DOCK2: variants seen among roughly 807,000 people sequenced by gnomAD.
DOCK2 encodes the protein dedicator of cytokinesis protein 2.
A neutral mutation model predicts 248.9 loss-of-function variants in DOCK2; 87 were observed. The observed-to-expected ratio is 0.35, with a 90% CI of 0.29 to 0.42. The LOEUF is 0.42. Among genes scored for constraint, DOCK2 ranks in the 10% least tolerant of loss-of-function variants. The pLI, the probability that DOCK2 is intolerant of heterozygous loss-of-function variation, is 1.00. For missense variants in DOCK2, 1,747 were observed against 2,300.2 expected (o/e 0.76, Z 4.92); for synonymous variants, 805 against 821.6 (o/e 0.98, Z 0.35).
At chr5:169,840,455 G>C (rs1046110551) in intron 26 of DOCK2, among the ~76,000 whole-genome samples, 1 of 152,120 alleles carries the variant, frequency 6.6e-6, no homozygotes, top group Non-Finnish European at 1.5e-5. Context: ...ACTAATTATT[G>C]TCAGAGCTAG....
At chr5:169,777,664 G>C (rs1765461040) in intron 25 of DOCK2, among the ~76,000 whole-genome samples, 1 of 152,184 alleles carries the variant, frequency 6.6e-6, no homozygotes, top group Admixed American at 6.5e-5. Flanking sequence ...ACCTCTGTAA[G>C]CATCTGATTC....
chr5:169,981,323 T>C (rs1373895380), intron 27 of DOCK2, among the ~76,000 whole-genome samples: 3 of 152,234 alleles, frequency 2.0e-5, no homozygotes, highest in Non-Finnish European at 4.4e-5. Context: ...GGAGGAAATA[T>C]ATACACGTGT....
intron 23 of DOCK2, among the ~76,000 whole-genome samples, chr5:169,753,055 C>T (rs1156678739): frequency 1.5e-5 from 2 of 137,440 alleles, no homozygotes; most frequent in East Asian, 4.1e-4. Context: ...CAGAGCAAGA[C>T]TCTATCTAAA....
chr5:169,827,585 C>T (rs1470204061), intron 26 of DOCK2, among the ~76,000 whole-genome samples: 1 of 152,142 alleles, frequency 6.6e-6, no homozygotes, highest in African/African-American at 2.4e-5. Context: ...GGTGGGGGCA[C>T]TGAGTGTGTT....
intron 30 of DOCK2, among the ~76,000 whole-genome samples, chr5:170,004,031 T>G (rs1754931378): frequency 6.6e-6 from 1 of 152,146 alleles, no homozygotes; most frequent in Admixed American, 6.5e-5. Context: ...TCTTCCAGAA[T>G]GGAAGCCAAA....
intron 27 of DOCK2, among the ~76,000 whole-genome samples, chr5:169,957,151 C>T (rs1776903850): frequency 1.3e-5 from 2 of 152,114 alleles, no homozygotes; most frequent in African/African-American, 4.8e-5. Flanking sequence ...GTGTGATTTG[C>T]TTCTCATTGC....
intron 27 of DOCK2, among the ~76,000 whole-genome samples, chr5:169,941,053 G>C (rs1450159956): frequency 6.6e-6 from 1 of 152,178 alleles, no homozygotes; most frequent in Non-Finnish European, 1.5e-5. Context: ...CTTCAGTGGG[G>C]TAGGCAGATA....
In DOCK2 at chr5:169,788,087, ATTATT is replaced by A. The variant is rs571500086; in HGVS notation, c.2555-14969_2555-14965del. Among the ~76,000 whole-genome samples the A allele has an allele frequency of 2.5e-3, 382 of 152,236 alleles. 2 individuals carry two copies. Among genetic ancestry groups the A allele is most frequent in the Non-Finnish European group, 4.6e-3 (313 of 68,008 alleles). On this transcript the variant is annotated intron_variant, in intron 25 of 51. Coordinates refer to ENST00000520908, the MANE Select transcript of DOCK2 (RefSeq NM_004946.3). ...GAGTGTCTTATAGATACTCAAACTC[ATTATT>A]TCCAAAACTTTACTCATTCTTTTCA...
At chr5:169,865,486 C>A (rs542579754) in intron 27 of DOCK2, among the ~76,000 whole-genome samples, 1 of 152,178 alleles carries the variant, frequency 6.6e-6, no homozygotes, top group African/African-American at 2.4e-5. Flanking sequence ...GCAGAAAAAA[C>A]GAATCCTCTT....
chr5:169,785,624 C>A (rs763636404), intron 25 of DOCK2, among the ~76,000 whole-genome samples: 1 of 152,174 alleles, frequency 6.6e-6, no homozygotes, highest in Non-Finnish European at 1.5e-5. Flanking sequence ...AATAGCAATT[C>A]TTCCAGTATT....
chr5:169,889,320 A>G (rs956834703), intron 27 of DOCK2, among the ~76,000 whole-genome samples: 2 of 152,120 alleles, frequency 1.3e-5, no homozygotes, highest in Admixed American at 6.5e-5. Context: ...TGCTTTCTCT[A>G]TTTACGGCAG....
At chr5:169,662,090 A>T (rs1758477884) in intron 2 of DOCK2, among the ~76,000 whole-genome samples, 1 of 152,194 alleles carries the variant, frequency 6.6e-6, no homozygotes, top group Non-Finnish European at 1.5e-5. Flanking sequence ...AGTGTAGAAG[A>T]GTTCCCCTTT....
chr5:169,661,182 A>G (rs1202384746), intron 2 of DOCK2, among the ~76,000 whole-genome samples: 2 of 152,146 alleles, frequency 1.3e-5, no homozygotes, highest in African/African-American at 4.8e-5. Flanking sequence ...GTGAGGCACT[A>G]TTATTCTCAT....
intron 5 of DOCK2, among the ~76,000 whole-genome samples, chr5:169,672,696 C>T (rs773708159): frequency 6.6e-5 from 10 of 152,168 alleles, no homozygotes; most frequent in Non-Finnish European, 1.5e-4. Context: ...CTTTAGATGC[C>T]AGTCGCAAGT....
intron 22 of DOCK2, among the ~76,000 whole-genome samples, chr5:169,722,603 C>T (rs1438516842): frequency 6.6e-6 from 1 of 152,192 alleles, no homozygotes; most frequent in Non-Finnish European, 1.5e-5. Flanking sequence ...GCCTCAGCAT[C>T]CTCATCTATA....
rs755807147 is a variant in DOCK2 at position 170,079,042 on chromosome 5, A to C, written c.5062A>C (p.Ser1688Arg). The C allele has an allele frequency of 1.5e-5, 25 of 1,613,940 alleles. No homozygotes were observed. In the African/African-American group the frequency reaches 1.7e-4, roughly 11 times the overall value. Residue 1688 changes from serine (S) to arginine (R), a missense_variant, in exon 49 of 52, where the codon AGC becomes CGC. Ser to Arg is a moderately radical substitution (Grantham distance 110). Coordinates refer to ENST00000520908, the MANE Select transcript of DOCK2 (RefSeq NM_004946.3). Reference sequence around the variant, plus strand: ...GCAGGAGGAACCGATCTCCCCGGGGAGCACCCTGCCTGAGGTCAAGCTGCG... The same window carrying C: ...GCAGGAGGAACCGATCTCCCCGGGGCGCACCCTGCCTGAGGTCAAGCTGCG... The part of the protein sequence containing the change: ...VEQEEPISPG[S>R]TLPEVKLRRS...
chr5:169,882,771 A>G, intron 27 of DOCK2: 3 of 1,551,176 alleles, frequency 1.9e-6, no homozygotes, highest in Non-Finnish European at 2.6e-6. Context: ...GGAGATGATT[A>G]CTTCCTGGAC....
chr5:169,782,696 G>A (rs1230724079), intron 25 of DOCK2, among the ~76,000 whole-genome samples: 1 of 152,062 alleles, frequency 6.6e-6, no homozygotes, highest in African/African-American at 2.4e-5. Flanking sequence ...GTTCTCAACT[G>A]CATTCGAGGT....
At position 169,864,443 on chromosome 5, in the gene DOCK2, G is replaced by A. The variant is rs1425113567; in HGVS notation, c.2799+23591G>A. 1.0e-5 allele frequency: 16 copies of A among 1,543,558 alleles called. No homozygotes were observed. The South Asian group carries it at 1.3e-4, about 13-fold the overall frequency. Reference sequence around the variant, plus strand: ...TCATGGAACCTGCCTTCCTGCTGCCGAAAATCATACTCTACACTGAAAAAC... The same window carrying A: ...TCATGGAACCTGCCTTCCTGCTGCCAAAAATCATACTCTACACTGAAAAAC... On this transcript the variant is annotated intron_variant, in intron 27 of 51. Coordinates refer to ENST00000520908, the MANE Select transcript of DOCK2 (RefSeq NM_004946.3).
Sources: gnomAD v4.1 joint callset for allele counts (sites outside exome capture counted in the v4.1 genomes callset) on GRCh38, gnomAD v4.1.1 for gene constraint, MANE v1.5 for transcripts, NCBI Gene and HGNC (gene_info 2026-07-23, HGNC 2026-07-21) for gene names.